Variants in ACBD4 observed in about 807,000 individuals in gnomAD.
The protein encoded by ACBD4 is acyl-CoA binding domain containing 4.
ACBD4 carries 41 observed loss-of-function variants against 46.0 expected under a neutral mutation model. That is an observed-to-expected ratio of 0.89 (90% confidence interval 0.69 to 1.16). ACBD4 has a LOEUF of 1.16. Ranked by LOEUF, ACBD4 falls within the 50% of genes most tolerant of loss-of-function variation. The probability of loss-of-function intolerance (pLI) is 0.00; values close to 1 mark genes in which losing one functional copy is unlikely to be tolerated. For synonymous variants in ACBD4, 162 were observed against 155.9 expected, an observed-to-expected ratio of 1.04 and a Z score of -0.29; for missense variants, 393 against 399.5, an observed-to-expected ratio of 0.98 and a Z score of 0.14.
At chr17:45,135,293 TTCCTCTAGAACACCTGACCA>T (rs1420584073), upstream of ACBD4, 1 of 152,092 alleles carries the variant, frequency 6.6e-6, no homozygotes, top group Non-Finnish European at 1.5e-5. Context: ...TGTGATGTCC[TTCCTCTAGAACACCTGACCA>T]CAGGACATGA....
At position 45,137,956 on chromosome 17, in the gene ACBD4, C is replaced by T. The variant is rs775810190; in HGVS notation, c.617C>T (p.Pro206Leu). 5.0e-6 allele frequency: 8 copies of T among 1,613,944 alleles called. No homozygotes were observed. Among genetic ancestry groups the T allele is most frequent in the Non-Finnish European group, 5.1e-6 (6 of 1,180,006 alleles). ...GCAGCATCTGGAGGAAAGCGTGATC[C>T]CAGGAACAGCCCCGTGCCCCCCACA... ...QRAASGGKRD[P>L]RNSPVPPTKK... The change falls in exon 8 of 10, where the codon CCC (proline) becomes CTC (leucine). Residue 206 changes from proline (P) to leucine (L), a missense_variant. By Grantham distance (98) the Pro-to-Leu change is moderately conservative. Around this residue, in one of 3 missense-constraint regions of ACBD4, gnomAD observed 308 missense variants for 301.8 expected, o/e 1.02. Transcript: ENST00000321854.
chr17:45,136,973 AG>A, intron 4 of ACBD4, 45 bp from the exon 5 acceptor site: 1 of 1,611,236 alleles, frequency 6.2e-7, no homozygotes. Flanking sequence ...GCAGGGAGGA[AG>A]GGACAGGAGG....
Sources: allele counts gnomAD v4.1 joint callset, GRCh38; gene constraint gnomAD v4.1.1; regional missense constraint gnomAD v4.1.1; transcripts MANE v1.5; gene names NCBI Gene and HGNC (gene_info 2026-07-23, HGNC 2026-07-21).